Variants in MEF2C observed in about 807,000 individuals in gnomAD.
MEF2C encodes myocyte enhancer factor 2C.
Under a neutral mutation model 50.5 loss-of-function variants are expected in MEF2C, and 6 were observed. The observed-to-expected ratio is 0.12, with a 90% confidence interval of 0.07 to 0.23. The LOEUF (loss-of-function observed/expected upper bound fraction) is 0.23, where lower values mean the gene tolerates loss of function less well. Among genes scored for constraint, MEF2C ranks in the 10% least tolerant of loss-of-function variants. The pLI, the probability that MEF2C is intolerant of heterozygous loss-of-function variation, is 1.00. For missense variants in MEF2C, 276 were observed against 605.0 expected (o/e 0.46, Z 5.70); for synonymous variants, 183 against 228.0 (o/e 0.80, Z 1.78).
intron 3 of MEF2C, among the ~76,000 whole-genome samples, chr5:88,801,668 A>G (rs2153051900): frequency 6.6e-6 from 1 of 152,022 alleles, no homozygotes; most frequent in East Asian, 1.9e-4. Context: ...TTGGATTTTT[A>G]GTAGAGACGG....
At chr5:88,819,229 G>A in intron 2 of MEF2C, 1 of 466,300 alleles carries the variant, frequency 2.1e-6, no homozygotes, top group Non-Finnish European at 2.8e-6. Flanking sequence ...ACAAAACCAT[G>A]CTCTTAGTTA....
chr5:88,793,015 T>C lies in MEF2C; in HGVS notation c.258+11583A>G, dbSNP rs191581499. On this transcript the variant is annotated intron_variant, in intron 3 of 10. Coordinates refer to ENST00000504921, the MANE Select transcript of MEF2C (RefSeq NM_002397.5). ...GACCTCATGTTAAGCACTGGGAATA[T>C]GATGGTGAGCAAAACGTGTACAGTC... Among the ~76,000 whole-genome samples the C allele has an allele frequency of 2.1e-3, 325 of 152,284 alleles. 1 individual carries two copies. The highest frequency in any genetic ancestry group is 3.5e-3 in the Non-Finnish European group (236 of 68,012).
chr5:88,895,034 C>G (rs927859564), intron 1 of MEF2C, among the ~76,000 whole-genome samples: 7 of 152,178 alleles, frequency 4.6e-5, no homozygotes, highest in African/African-American at 1.7e-4. Flanking sequence ...AATTGTACTT[C>G]TGTGGCCACT....
chr5:88,804,531 G>T, intron 3 of MEF2C, 67 bp downstream of exon 3: 2 of 1,373,112 alleles, frequency 1.5e-6, no homozygotes, highest in Non-Finnish European at 2.1e-6. Context: ...GTATGTGTGT[G>T]TGGCAGGGGG....
chr5:88,762,554 A>G (rs1186735576), intron 3 of MEF2C, among the ~76,000 whole-genome samples: 1 of 151,410 alleles, frequency 6.6e-6, no homozygotes, highest in Non-Finnish European at 1.5e-5. Flanking sequence ...AGGCTGAGCC[A>G]CCACAACCTG....
At chr5:88,734,625 G>T in intron 6 of MEF2C, 1 of 547,948 alleles carries the variant, frequency 1.8e-6, no homozygotes, top group Admixed American at 1.2e-4. Context: ...AACTCTCTGA[G>T]AAATTCCAAC....
intron 1 of MEF2C, among the ~76,000 whole-genome samples, chr5:88,857,790 C>G (rs1824004087): frequency 6.6e-6 from 1 of 152,224 alleles, no homozygotes; most frequent in Non-Finnish European, 1.5e-5. Flanking sequence ...CCATGTGAAA[C>G]TGTGAGTTAA....
intron 7 of MEF2C, among the ~76,000 whole-genome samples, chr5:88,730,501 A>G (rs577740923): frequency 6.6e-6 from 1 of 150,694 alleles, no homozygotes; most frequent in African/African-American, 2.5e-5. Context: ...ATTTTGAAGG[A>G]AAAAAAAAGA....
intron 3 of MEF2C, chr5:88,785,316 A>T (rs892878216): frequency 5.1e-5 from 7 of 137,914 alleles, no homozygotes; most frequent in African/African-American, 1.5e-4. Flanking sequence ...ACACACACAC[A>T]CACGTATTTT....
intron 6 of MEF2C, chr5:88,742,069 T>C: frequency 2.0e-6 from 2 of 985,378 alleles, no homozygotes; most frequent in Non-Finnish European, 2.4e-6. Flanking sequence ...TGGCAAAGGT[T>C]TGTCTAAAAA....
At chr5:88,745,459 T>C (rs567979946) in intron 6 of MEF2C, among the ~76,000 whole-genome samples, 1 of 152,280 alleles carries the variant, frequency 6.6e-6, no homozygotes, top group Middle Eastern at 3.4e-3. Context: ...TAGGATTGCA[T>C]AGGTAAGAGT....
At chr5:88,744,627 G>A (rs1581630892) in intron 6 of MEF2C, among the ~76,000 whole-genome samples, 1 of 152,304 alleles carries the variant, frequency 6.6e-6, no homozygotes, top group East Asian at 1.9e-4. Flanking sequence ...GTTGTTAAGA[G>A]GAAAGAATTA....
At chr5:88,759,752 A>G (rs1339176152) in intron 4 of MEF2C, among the ~76,000 whole-genome samples, 2 of 152,232 alleles carry the variant, frequency 1.3e-5, no homozygotes, top group Non-Finnish European at 2.9e-5. Context: ...TGATTCAACA[A>G]AAGTTCTACT....
intron 3 of MEF2C, among the ~76,000 whole-genome samples, chr5:88,764,263 C>T (rs1779028978): frequency 6.6e-6 from 1 of 151,788 alleles, no homozygotes; most frequent in Admixed American, 6.6e-5. Flanking sequence ...TGAAAGATCT[C>T]CACAAATATT....
At chr5:88,845,260 G>T (rs1006633245) in intron 1 of MEF2C, among the ~76,000 whole-genome samples, 1 of 152,094 alleles carries the variant, frequency 6.6e-6, no homozygotes, top group African/African-American at 2.4e-5. Flanking sequence ...GCTTCAAATT[G>T]CCAAAAGACC....
At chr5:88,859,945 C>A (rs528224802) in intron 1 of MEF2C, among the ~76,000 whole-genome samples, 1 of 152,274 alleles carries the variant, frequency 6.6e-6, no homozygotes, top group African/African-American at 2.4e-5. Flanking sequence ...TTCGATAGGG[C>A]AATTCATGAT....
chr5:88,835,148 A>G (rs988766499), intron 1 of MEF2C, among the ~76,000 whole-genome samples: 3 of 152,218 alleles, frequency 2.0e-5, no homozygotes, highest in Non-Finnish European at 4.4e-5. Flanking sequence ...GGATAACACC[A>G]TGAAGAATCT....
chr5:88,823,744 A>T lies in MEF2C; in HGVS notation c.45T>A (p.Arg15=). Residue 15 remains arginine, a synonymous_variant, in exon 2 of 11, where the codon CGT becomes CGA. Coordinates refer to ENST00000504921, the MANE Select transcript of MEF2C (RefSeq NM_002397.5). ...AGTTTACTCCACTCACCTGTCTGTT[A>T]CGTTCATCCATAATCCTCGTAATCT... ...KIQITRIMDE[R]NRQVTFTKRK... is the part of the protein sequence containing the mutation. 1 of 1,607,184 alleles carries T rather than the reference A, an allele frequency of 6.2e-7. No individual in the cohort carries two copies. Among genetic ancestry groups the T allele is most frequent in the African/African-American group, 1.3e-5 (1 of 74,810 alleles).
chr5:88,895,694 A>C (rs1835047177), intron 1 of MEF2C, among the ~76,000 whole-genome samples: 4 of 151,942 alleles, frequency 2.6e-5, no homozygotes, highest in Admixed American at 2.6e-4. Context: ...GGCATGCTCC[A>C]CTCACCCAGC....
Sources: gnomAD v4.1 joint callset for allele counts (sites outside exome capture counted in the v4.1 genomes callset) on GRCh38, gnomAD v4.1.1 for gene constraint, MANE v1.5 for transcripts, NCBI Gene and HGNC (gene_info 2026-07-23, HGNC 2026-07-21) for gene names.